Variants in POLQ observed in about 807,000 individuals in gnomAD.
POLQ encodes DNA polymerase theta.
POLQ carries 233 observed loss-of-function variants against 259.2 expected under a neutral mutation model. The observed-to-expected ratio is 0.90, with a 90% CI of 0.81 to 1.00. The LOEUF is 1.00. Among genes scored for constraint, POLQ ranks in the 50% least tolerant of loss-of-function variants. POLQ has a pLI of 0.00. For synonymous variants in POLQ, 1,025 were observed against 1,048.8 expected (o/e 0.98, Z 0.44); for missense variants, 2,871 against 3,051.6 (o/e 0.94, Z 1.39).
chr3:121,541,779 T>C (rs1054524437), intron 2 of POLQ, among the ~76,000 whole-genome samples: 10 of 152,198 alleles, frequency 6.6e-5, no homozygotes, highest in Admixed American at 6.5e-4. Context: ...GTAAAAGGCC[T>C]GCTTTGAGGA....
chr3:121,529,035 T>C (rs1003465160), intron 7 of POLQ, among the ~76,000 whole-genome samples: 3 of 152,230 alleles, frequency 2.0e-5, no homozygotes, highest in African/African-American at 7.2e-5. Context: ...ACATATGTTT[T>C]AGGCTACATG....
At chr3:121,541,518 T>A in intron 2 of POLQ, 39 bp from the exon 3 acceptor site, 1 of 1,536,950 alleles carries the variant, frequency 6.5e-7, no homozygotes, top group Non-Finnish European at 8.9e-7. Context: ...AAGAAAAAAG[T>A]AATATTCGGT....
At chr3:121,446,772 TC>T (rs1460367866) in intron 26 of POLQ, among the ~76,000 whole-genome samples, 1 of 152,206 alleles carries the variant, frequency 6.6e-6, no homozygotes, top group East Asian at 1.9e-4. Flanking sequence ...CTACTCTTGA[TC>T]TTTTTTGGTT....
rs1250141632 is a variant in POLQ at position 121,468,280 on chromosome 3, A to G, written c.6845+25T>C. The stretch of plus-strand genomic sequence containing the variant: ...TTCATACTTACAAAAGTTTATTAAT[A>G]CAGATACAGAGAAACAGCACCTACC... On this transcript the variant is annotated intron_variant, in intron 23 of 29. Coordinates refer to ENST00000264233, the MANE Select transcript of POLQ (RefSeq NM_199420.4). 2.5e-6 allele frequency: 4 copies of G among 1,585,108 alleles called. No homozygotes were observed. In the Admixed American group the frequency reaches 5.6e-5, roughly 22 times the overall value.
chr3:121,494,263 C>T (rs1290651616), intron 14 of POLQ: 1 of 1,592,796 alleles, frequency 6.3e-7, no homozygotes, highest in African/African-American at 1.3e-5. Flanking sequence ...GAGACCTCAC[C>T]CGCTTTGTGA....
intron 25 of POLQ, among the ~76,000 whole-genome samples, chr3:121,455,589 G>T (rs1289508321): frequency 1.3e-5 from 2 of 152,030 alleles, no homozygotes; most frequent in Admixed American, 1.3e-4. Context: ...ACTACCATCA[G>T]AGAATACTAC....
At chr3:121,525,012 C>A (rs1372524175) in intron 7 of POLQ, among the ~76,000 whole-genome samples, 1 of 151,688 alleles carries the variant, frequency 6.6e-6, no homozygotes, top group South Asian at 2.1e-4. Context: ...AACACAGAAA[C>A]CCCCAGTCAA....
At chr3:121,494,808 A>G in intron 14 of POLQ, 1 of 1,506,294 alleles carries the variant, frequency 6.6e-7, no homozygotes, top group Non-Finnish European at 9.1e-7. Flanking sequence ...GATGAGACCC[A>G]CCGTCACTGG....
At chr3:121,465,311 T>C (rs2108786446) in intron 24 of POLQ, among the ~76,000 whole-genome samples, 1 of 152,174 alleles carries the variant, frequency 6.6e-6, no homozygotes, top group African/African-American at 2.4e-5. Flanking sequence ...AGGCTGGTCA[T>C]GAAGTCCTGG....
At chr3:121,484,138 A>G (rs2047992069) in intron 17 of POLQ, among the ~76,000 whole-genome samples, 1 of 152,144 alleles carries the variant, frequency 6.6e-6, no homozygotes, top group African/African-American at 2.4e-5. Context: ...CCTGCAAAAC[A>G]ACTGAAAATA....
At position 121,472,063 on chromosome 3, in the gene POLQ, C is replaced by A. The variant is rs549841565; in HGVS notation, c.6645G>T (p.Gln2215His). 6.3e-7 allele frequency: 1 copy of A among 1,587,834 alleles called. No individual in the cohort carries two copies. The highest frequency in any genetic ancestry group is 1.1e-5 in the South Asian group (1 of 88,180). Residue 2215 changes from glutamine (Q) to histidine (H), a missense_variant, in exon 22 of 30, where the codon CAG becomes CAT. Physicochemically the swap from Gln to His is conservative, Grantham distance 24. Transcript: ENST00000264233. ...GAAAAGGATTAAGACACTTTTCCCG[C>A]TGAAGGGGAAAGACCACTTTGGTAA... Reference protein sequence around the residue: ...NAITKVVFPLQREKCLNPFLG... With the variant: ...NAITKVVFPLHREKCLNPFLG...
chr3:121,454,134 C>T lies in POLQ; in HGVS notation c.7153-4708G>A, dbSNP rs894575424. 3.3e-5 allele frequency among the ~76,000 whole-genome samples: 5 copies of T among 152,254 alleles called. No homozygotes were observed. In the East Asian group the frequency reaches 9.6e-4, roughly 29 times the overall value. On this transcript the variant is annotated intron_variant, in intron 25 of 29. Transcript: ENST00000264233. ...GAATTTCATATCCAGCCAAACTAAG[C>T]TTCATTAAGTGAAGGAGAAATACAA...
intron 7 of POLQ, among the ~76,000 whole-genome samples, chr3:121,523,666 G>A (rs1225520505): frequency 2.0e-5 from 3 of 152,096 alleles, no homozygotes; most frequent in Non-Finnish European, 4.4e-5. Context: ...AGTGAGCTGA[G>A]ATCATGCCAC....
chr3:121,501,686 A>G (rs1388413873), intron 12 of POLQ, among the ~76,000 whole-genome samples: 4 of 146,616 alleles, frequency 2.7e-5, no homozygotes, highest in African/African-American at 5.0e-5. Context: ...AAAAAAAAAA[A>G]AAAGAAATGC....
chr3:121,499,871 CA>C (rs933347212), intron 12 of POLQ, among the ~76,000 whole-genome samples: 3 of 152,006 alleles, frequency 2.0e-5, no homozygotes, highest in African/African-American at 7.2e-5. Flanking sequence ...ATGGTAAAAA[CA>C]AAAACAAAAA....
At chr3:121,538,834 GT>G (rs2048468743) in intron 4 of POLQ, among the ~76,000 whole-genome samples, 1 of 152,026 alleles carries the variant, frequency 6.6e-6, no homozygotes, top group South Asian at 2.1e-4. Context: ...GTATTTTTAA[GT>G]TCACCAGCTT....
Position 121,432,391 on chromosome 3 carries a change from C to A in POLQ, c.7686G>T (p.Met2562Ile), listed in dbSNP as rs2047501686. Residue 2562 changes from methionine to isoleucine, a missense_variant, in exon 30 of 30, where the codon ATG becomes ATT. Transcript: ENST00000264233. ...VQVAQIVKNEMESAVKLSVKL... is the reference protein window; with the variant it reads ...VQVAQIVKNEIESAVKLSVKL... The stretch of plus-strand genomic sequence containing the variant: ...TCACAGACAGTTTTACAGCACTTTC[C>A]ATTTCATTCTTGACAATCTGAGCTA... 6.2e-7 allele frequency: 1 copy of A among 1,608,148 alleles called. No homozygotes were observed. Among genetic ancestry groups the A allele is most frequent in the Non-Finnish European group, 8.5e-7 (1 of 1,177,356 alleles).
At chr3:121,519,617 A>G (rs1312894659) in intron 9 of POLQ, among the ~76,000 whole-genome samples, 2 of 146,666 alleles carry the variant, frequency 1.4e-5, no homozygotes, top group African/African-American at 5.0e-5. Context: ...CAGAGCTTGC[A>G]GTGGGCCAAG....
intron 15 of POLQ, among the ~76,000 whole-genome samples, chr3:121,492,801 ATTT>A (rs35516373): frequency 0.014 from 1,732 of 124,802 alleles, 18 homozygotes; most frequent in African/African-American, 0.033. Flanking sequence ...ATGCCCAGCT[ATTT>A]TTTTTTTTTT....
Sources: gnomAD v4.1 joint callset for allele counts (sites outside exome capture counted in the v4.1 genomes callset) on GRCh38, gnomAD v4.1.1 for gene constraint, MANE v1.5 for transcripts, NCBI Gene and HGNC (gene_info 2026-07-23, HGNC 2026-07-21) for gene names.